Variants in XRN1 observed in about 807,000 individuals in gnomAD.
XRN1 encodes the protein 5'-3' exoribonuclease 1, also known as strand-exchange protein 1 homolog.
Under a neutral mutation model 222.3 loss-of-function variants are expected in XRN1, and 67 were observed. That is an observed-to-expected ratio of 0.30 (90% CI 0.25 to 0.37). XRN1 has a LOEUF of 0.37. Ranked by LOEUF, XRN1 falls within the 10% of genes least tolerant of loss-of-function variation. The probability of loss-of-function intolerance (pLI) is 1.00; values close to 1 mark genes in which losing one functional copy is unlikely to be tolerated. For synonymous variants in XRN1, 643 were observed against 652.4 expected, an observed-to-expected ratio of 0.99 and a Z score of 0.22; for missense variants, 1,707 against 2,000.2, an observed-to-expected ratio of 0.85 and a Z score of 2.80.
intron 6 of XRN1, 80 bp downstream of exon 6, chr3:142,423,480 T>C (rs970681703): frequency 2.6e-6 from 3 of 1,151,962 alleles, no homozygotes; most frequent in Non-Finnish European, 3.6e-6. Flanking sequence ...TGAGATAAAG[T>C]ATTTACAAAC....
At chr3:142,325,460 G>C (rs1195778173) in intron 37 of XRN1, among the ~76,000 whole-genome samples, 1 of 151,946 alleles carries the variant, frequency 6.6e-6, no homozygotes, top group African/African-American at 2.4e-5. Flanking sequence ...ACACATGGGG[G>C]TATACATGCA....
intron 39 of XRN1, among the ~76,000 whole-genome samples, chr3:142,317,436 A>G (rs1281199617): frequency 6.6e-6 from 1 of 152,042 alleles, no homozygotes; most frequent in Admixed American, 6.5e-5. Context: ...CCTGTACTCT[A>G]TTCTTTTTTC....
intron 34 of XRN1, among the ~76,000 whole-genome samples, chr3:142,335,206 T>G (rs927585646): frequency 6.6e-6 from 1 of 152,140 alleles, no homozygotes; most frequent in Non-Finnish European, 1.5e-5. Context: ...GTAAAGTGAA[T>G]TGCTCAAGGC....
chr3:142,343,327 G>A (rs760606037), intron 33 of XRN1, among the ~76,000 whole-genome samples: 3 of 151,818 alleles, frequency 2.0e-5, no homozygotes, highest in African/African-American at 7.3e-5. Context: ...GGTGGCACAC[G>A]CCTGTAATCC....
At chr3:142,431,914 A>ACATAT (rs2069590865) in intron 2 of XRN1, among the ~76,000 whole-genome samples, 1 of 32,144 alleles carries the variant, frequency 3.1e-5, no homozygotes, top group Non-Finnish European at 5.1e-5. Context: ...ATATATATAA[A>ACATAT]TATATATAAT....
At chr3:142,422,052 G>A (rs140690085) in intron 8 of XRN1, among the ~76,000 whole-genome samples, 1 of 152,222 alleles carries the variant, frequency 6.6e-6, no homozygotes, top group African/African-American at 2.4e-5. Context: ...AGGAATTAAA[G>A]GCAAAGATTA....
intron 19 of XRN1, among the ~76,000 whole-genome samples, chr3:142,398,567 A>G (rs1442620240): frequency 2.0e-5 from 3 of 152,152 alleles, no homozygotes; most frequent in East Asian, 1.9e-4. Flanking sequence ...GAGTCTCACT[A>G]TGATGCCCAG....
intron 32 of XRN1, among the ~76,000 whole-genome samples, chr3:142,348,497 T>C (rs1183876274): frequency 4.6e-5 from 7 of 152,138 alleles, no homozygotes; most frequent in African/African-American, 1.7e-4. Context: ...CATTTTTGGA[T>C]AGGGAGAGAA....
At chr3:142,367,202 G>A (rs906253975) in intron 27 of XRN1, among the ~76,000 whole-genome samples, 1 of 151,960 alleles carries the variant, frequency 6.6e-6, no homozygotes, top group African/African-American at 2.4e-5. Context: ...CAGAAGAATC[G>A]CTTGAACACA....
At chr3:142,382,009 C>A (rs2067321358) in intron 22 of XRN1, among the ~76,000 whole-genome samples, 1 of 152,146 alleles carries the variant, frequency 6.6e-6, no homozygotes, top group Admixed American at 6.5e-5. Context: ...ACATTCACAG[C>A]CAGAATACTG....
chr3:142,356,271 GAC>G, intron 31 of XRN1, among the ~76,000 whole-genome samples: 1 of 152,212 alleles, frequency 6.6e-6, no homozygotes, highest in African/African-American at 2.4e-5. Context: ...ACCAAATTTT[GAC>G]AGTGGTAACC....
At chr3:142,380,249 T>C in intron 22 of XRN1, 69 bp from the exon 23 acceptor site, 1 of 1,320,668 alleles carries the variant, frequency 7.6e-7, no homozygotes, top group Non-Finnish European at 1.1e-6. Flanking sequence ...ATTTGAACAC[T>C]ATTATTTTTG....
At chr3:142,426,964 C>T (rs930458151) in intron 2 of XRN1, 123 bp from the exon 3 acceptor site, 20 of 674,230 alleles carry the variant, frequency 3.0e-5, no homozygotes, top group South Asian at 8.0e-5. Context: ...ACGTTCAAAA[C>T]ATACAAGTTT....
At chr3:142,412,799 T>A in intron 14 of XRN1, 136 bp from the exon 15 acceptor site, 1 of 571,844 alleles carries the variant, frequency 1.7e-6, no homozygotes, top group Non-Finnish European at 2.7e-6. Context: ...GTACCTTTGA[T>A]ATGTCACAAT....
chr3:142,393,614 T>C (rs971518755), intron 20 of XRN1, among the ~76,000 whole-genome samples: 2 of 152,110 alleles, frequency 1.3e-5, no homozygotes, highest in African/African-American at 4.8e-5. Flanking sequence ...TTTCTCAGGT[T>C]TGTCAAAGAT....
At chr3:142,371,116 T>C in intron 26 of XRN1, 123 bp downstream of exon 26, 1 of 786,628 alleles carries the variant, frequency 1.3e-6, no homozygotes. Flanking sequence ...GGCAAGAGAG[T>C]AAGAACCTGT....
intron 35 of XRN1, 197 bp from the exon 36 acceptor site, chr3:142,332,731 C>T: frequency 1.3e-6 from 1 of 744,184 alleles, no homozygotes; most frequent in Non-Finnish European, 2.0e-6. Flanking sequence ...TATCCTCCTG[C>T]TTAACTTTCA....
Position 142,431,795 on chromosome 3 carries a change from C to T in XRN1, c.308+866G>A, listed in dbSNP as rs558175673. Among the ~76,000 whole-genome samples, 32 of 120,072 alleles carry T rather than the reference C, an allele frequency of 2.7e-4. No homozygotes were observed. In the South Asian group the frequency reaches 4.9e-3, roughly 18 times the overall value. The allele number at this position is 120,072 out of a possible 152,430, so 78.8% of individuals were successfully genotyped here. On this transcript the variant is annotated intron_variant, in intron 2 of 40. Coordinates refer to ENST00000392981, the MANE Select transcript of XRN1 (RefSeq NM_001282857.2). Reference sequence around the variant, plus strand: ...TCGCGCCACTGCACTCCAGCCTGGGCGACAAGAGCAAAACTCCATCTCAAA... The same window carrying T: ...TCGCGCCACTGCACTCCAGCCTGGGTGACAAGAGCAAAACTCCATCTCAAA...
intron 20 of XRN1, among the ~76,000 whole-genome samples, chr3:142,389,076 T>C (rs1437084317): frequency 6.6e-6 from 1 of 152,186 alleles, no homozygotes; most frequent in Non-Finnish European, 1.5e-5. Context: ...TAGCTGCGTA[T>C]GGTGGCGCTT....
Sources: allele counts gnomAD v4.1 joint callset (sites outside exome capture counted in the v4.1 genomes callset), GRCh38; gene constraint gnomAD v4.1.1; transcripts MANE v1.5; gene names NCBI Gene and HGNC (gene_info 2026-07-23, HGNC 2026-07-21).